Variants in PRKX observed in about 807,000 individuals in gnomAD.
PRKX encodes the protein cAMP-dependent protein kinase catalytic subunit PRKX.
PRKX carries 12 observed loss-of-function variants against 22.0 expected under a neutral mutation model. The observed-to-expected ratio is 0.54, with a 90% CI of 0.35 to 0.88. The LOEUF is 0.88. Ranked by LOEUF, PRKX falls within the 40% of genes least tolerant of loss-of-function variation. The pLI is 0.01. For synonymous variants in PRKX, 134 were observed against 137.7 expected (o/e 0.97, Z 0.19); for missense variants, 217 against 308.0 (o/e 0.70, Z 2.21).
intron 1 of PRKX, among the ~76,000 whole-genome samples, chrX:3,679,810 T>C (rs1360548130): frequency 1.8e-5 from 2 of 112,217 alleles, no homozygotes; most frequent in Non-Finnish European, 3.8e-5. Flanking sequence ...ACTTTTAAGG[T>C]GGGCACGCCC....
intron 4 of PRKX, among the ~76,000 whole-genome samples, chrX:3,638,910 CAGAT>C (rs1470900517): frequency 1.9e-5 from 2 of 103,058 alleles, no homozygotes; most frequent in Non-Finnish European, 3.9e-5. Flanking sequence ...ACATGAATGA[CAGAT>C]AGATGATAGG....
At chrX:3,613,083 G>A (rs1307973912) in intron 7 of PRKX, among the ~76,000 whole-genome samples, 21 of 96,375 alleles carry the variant, frequency 2.2e-4, no homozygotes, top group Admixed American at 1.7e-3. Flanking sequence ...CCTGGGAGGC[G>A]GAGGTTGCAG....
intron 2 of PRKX, 63 bp from the exon 3 acceptor site, chrX:3,655,475 G>C: frequency 1.7e-6 from 2 of 1,169,894 alleles, no homozygotes; most frequent in Non-Finnish European, 2.3e-6. Flanking sequence ...TACGCCGTCA[G>C]CTAGGTGTTG....
intron 4 of PRKX, among the ~76,000 whole-genome samples, chrX:3,638,463 C>A (rs1207311368): frequency 8.9e-6 from 1 of 111,758 alleles, no homozygotes; most frequent in Non-Finnish European, 1.9e-5. Context: ...GGCAATGCTG[C>A]CCTCGTGTGG....
chrX:3,650,260 G>T (rs1479744405), intron 3 of PRKX, among the ~76,000 whole-genome samples: 1 of 111,378 alleles, frequency 9.0e-6, no homozygotes, highest in Non-Finnish European at 1.9e-5. Flanking sequence ...GGTGGCTCAC[G>T]CCTGTAATCC....
intron 3 of PRKX, among the ~76,000 whole-genome samples, chrX:3,648,766 C>T (rs1437717540): frequency 4.6e-5 from 5 of 109,249 alleles, no homozygotes; most frequent in Middle Eastern, 4.7e-3. Context: ...ATTTAAAATG[C>T]TACAACAGAG....
At chrX:3,644,447 T>G (rs1603473859) in intron 3 of PRKX, among the ~76,000 whole-genome samples, 1 of 91,324 alleles carries the variant, frequency 1.1e-5, no homozygotes, top group African/African-American at 4.1e-5. Context: ...GTAGCAGATA[T>G]AAATCAGGAA....
chrX:3,703,529 C>A (rs1603474895), intron 1 of PRKX, among the ~76,000 whole-genome samples: 2 of 111,243 alleles, frequency 1.8e-5, no homozygotes, highest in Middle Eastern at 4.6e-3. Context: ...GCACCTGAGT[C>A]TCCTCTGCAA....
intron 3 of PRKX, among the ~76,000 whole-genome samples, chrX:3,644,234 CAAAAAAAAAAA>C (rs35016428): frequency 6.7e-5 from 3 of 45,083 alleles, no homozygotes; most frequent in Non-Finnish European, 1.1e-4. Context: ...CACTCCTTTA[CAAAAAAAAAAA>C]AAAAAAAAAA....
chrX:3,680,333 A>G (rs1426647631), intron 1 of PRKX, among the ~76,000 whole-genome samples: 2 of 110,613 alleles, frequency 1.8e-5, no homozygotes, highest in African/African-American at 6.6e-5. Context: ...TAGTAGTGAC[A>G]GGGTTTCACC....
chrX:3,667,888 C>A (rs1293304998), intron 2 of PRKX: 1 of 110,757 alleles, frequency 9.0e-6, no homozygotes, highest in Non-Finnish European at 1.9e-5. Context: ...ACCACCCACC[C>A]CTTTCAGCCA....
At chrX:3,699,696 C>A (rs987791026) in intron 1 of PRKX, among the ~76,000 whole-genome samples, 5 of 112,625 alleles carry the variant, frequency 4.4e-5, no homozygotes, top group African/African-American at 1.6e-4. Context: ...CATCCCAGGT[C>A]ACACACTTGC....
chrX:3,686,403 ATTT>A (rs757799598), intron 1 of PRKX, among the ~76,000 whole-genome samples: 1 of 97,008 alleles, frequency 1.0e-5, no homozygotes, highest in Admixed American at 1.1e-4. Context: ...AAAGCTGATG[ATTT>A]TTTTTTTTTT....
At chrX:3,705,735 G>C (rs2146614636) in intron 1 of PRKX, among the ~76,000 whole-genome samples, 1 of 106,043 alleles carries the variant, frequency 9.4e-6, no homozygotes, top group Non-Finnish European at 1.9e-5. Context: ...CGCCCAGGCT[G>C]GAGTGCAGTG....
intron 1 of PRKX, among the ~76,000 whole-genome samples, chrX:3,710,249 T>C (rs1475584763): frequency 8.9e-6 from 1 of 111,807 alleles, no homozygotes; most frequent in Admixed American, 9.6e-5. Flanking sequence ...AATCGGCCTT[T>C]AGACCAGACG....
chrX:3,691,874 C>CTGGA (rs199859885), intron 1 of PRKX, among the ~76,000 whole-genome samples: 6 of 109,962 alleles, frequency 5.5e-5, no homozygotes, highest in South Asian at 4.0e-4. Context: ...GAATGACTGA[C>CTGGA]TGGATGGATG....
intron 4 of PRKX, among the ~76,000 whole-genome samples, chrX:3,637,262 G>C (rs983056636): frequency 1.8e-5 from 2 of 111,561 alleles, no homozygotes; most frequent in Admixed American, 1.9e-4. Context: ...TTGTCTAAGA[G>C]GGGTGGACAA....
chrX:3,683,214 G>T (rs1197780488), intron 1 of PRKX, among the ~76,000 whole-genome samples: 1 of 111,616 alleles, frequency 9.0e-6, no homozygotes, highest in Non-Finnish European at 1.9e-5. Context: ...TATGCCCAAG[G>T]GGTACAAATT....
At chrX:3,648,635 T>TGTGTGCGC (rs1555894784) in intron 3 of PRKX, among the ~76,000 whole-genome samples, 17 of 105,992 alleles carry the variant, frequency 1.6e-4, no homozygotes, top group African/African-American at 5.9e-4. Flanking sequence ...TGTGTGTGTG[T>TGTGTGCGC]GTGTGTGTGT....
Sources: allele counts gnomAD v4.1 joint callset (sites outside exome capture counted in the v4.1 genomes callset), GRCh38; gene constraint gnomAD v4.1.1; transcripts MANE v1.5; gene names NCBI Gene and HGNC (gene_info 2026-07-23, HGNC 2026-07-21).